Variants in MAST4 observed in about 807,000 individuals in gnomAD.
MAST4 encodes microtubule associated serine/threonine kinase family member 4.
A neutral mutation model predicts 162.7 loss-of-function variants in MAST4; 89 were observed. That is an observed-to-expected ratio of 0.55 (90% confidence interval 0.46 to 0.65). MAST4 has a LOEUF of 0.65. Among genes scored for constraint, MAST4 ranks in the 30% least tolerant of loss-of-function variants. The pLI is 0.00. For missense variants in MAST4, 3,153 were observed against 3,374.0 expected, an observed-to-expected ratio of 0.93 and a Z score of 1.62; for synonymous variants, 1,479 against 1,361.1, an observed-to-expected ratio of 1.09 and a Z score of -1.91.
At chr5:67,124,440 T>C (rs1767959540) in intron 14 of MAST4, among the ~76,000 whole-genome samples, 1 of 152,286 alleles carries the variant, frequency 6.6e-6, no homozygotes, top group African/African-American at 2.4e-5. Flanking sequence ...CTCTCTGTGC[T>C]AACTTTAAGC....
At position 67,166,449 on chromosome 5, in the gene MAST4, C is replaced by A. The variant is rs774462420; in HGVS notation, c.7270C>A (p.Pro2424Thr). Residue 2424 changes from proline to threonine, a missense_variant, in exon 29 of 29, where the codon CCC becomes ACC. Pro to Thr is a conservative substitution (Grantham distance 38, BLOSUM62 -1). Coordinates refer to ENST00000403625, the MANE Select transcript of MAST4 (RefSeq NM_001164664.2). ...FPEARGKGPG[P>T]QKPPTEADKP... ...TGAGGCCAGAGGGAAAGGGCCCGGT[C>A]CCCAGAAGCCACCGACGGAGGCAGA... The A allele has an allele frequency of 1.2e-6, 2 of 1,601,866 alleles. No individual in the cohort carries two copies. The highest frequency in any genetic ancestry group is 8.5e-7 in the Non-Finnish European group (1 of 1,173,818).
chr5:67,054,651 C>T (rs1254927814), intron 5 of MAST4, among the ~76,000 whole-genome samples, 159 bp downstream of exon 5: 1 of 152,192 alleles, frequency 6.6e-6, no homozygotes, highest in Non-Finnish European at 1.5e-5. Flanking sequence ...TAGCCCAGAT[C>T]TTATCCTCTC....
intron 3 of MAST4, among the ~76,000 whole-genome samples, chr5:66,856,561 A>G (rs76334347): frequency 0.015 from 2,274 of 152,354 alleles, 56 homozygotes; most frequent in African/African-American, 0.051. Flanking sequence ...TTGCCCTCAC[A>G]TGTGCCAGTC....
chr5:66,763,901 A>G (rs1753965649), intron 2 of MAST4, among the ~76,000 whole-genome samples: 1 of 152,204 alleles, frequency 6.6e-6, no homozygotes, highest in Non-Finnish European at 1.5e-5. Flanking sequence ...AGGAGGAGGA[A>G]AACAATTACT....
At chr5:66,907,055 C>T (rs866821936) in intron 4 of MAST4, among the ~76,000 whole-genome samples, 8 of 151,878 alleles carry the variant, frequency 5.3e-5, no homozygotes, top group African/African-American at 1.7e-4. Context: ...AACTAAAACT[C>T]GGCTTTTATC....
At chr5:66,775,500 C>G (rs1160752632) in intron 2 of MAST4, among the ~76,000 whole-genome samples, 1 of 152,130 alleles carries the variant, frequency 6.6e-6, no homozygotes, top group Admixed American at 6.5e-5. Flanking sequence ...CAGCCCTACA[C>G]CTACCATTAA....
intron 4 of MAST4, among the ~76,000 whole-genome samples, chr5:66,939,951 C>T (rs982097292): frequency 2.6e-5 from 4 of 152,066 alleles, no homozygotes; most frequent in African/African-American, 9.7e-5. Flanking sequence ...CCTGCAGTCC[C>T]AGCTACACAG....
At chr5:67,017,121 C>T (rs537595358) in intron 4 of MAST4, among the ~76,000 whole-genome samples, 1 of 152,154 alleles carries the variant, frequency 6.6e-6, no homozygotes, top group South Asian at 2.1e-4. Context: ...GAAAAAGTAA[C>T]TGCTTTGTAA....
Position 66,759,881 on chromosome 5 carries a change from G to A in MAST4, c.517+19G>A. 6.2e-7 allele frequency: 1 copy of A among 1,612,922 alleles called. No individual in the cohort carries two copies. Among genetic ancestry groups the A allele is most frequent in the Non-Finnish European group, 8.5e-7 (1 of 1,179,242 alleles). On this transcript the variant is annotated intron_variant, in intron 2 of 28. Transcript: ENST00000403625. ...CTGACTGGTGAGTCGCAGCGGCTTG[G>A]ATGAGAGAAGGAATTGCATTTCTTT... is the stretch of plus-strand genomic sequence containing the variant.
At chr5:66,956,438 T>C (rs2150145024) in intron 4 of MAST4, among the ~76,000 whole-genome samples, 1 of 152,246 alleles carries the variant, frequency 6.6e-6, no homozygotes, top group South Asian at 2.1e-4. Flanking sequence ...CTGGGGTTCT[T>C]TAGAGTCTAC....
chr5:67,105,966 C>T (rs1765550126), intron 10 of MAST4, among the ~76,000 whole-genome samples: 1 of 152,170 alleles, frequency 6.6e-6, no homozygotes, highest in African/African-American at 2.4e-5. Context: ...AACTCACTGA[C>T]ATCCTCCTTA....
intron 3 of MAST4, among the ~76,000 whole-genome samples, chr5:66,844,305 A>C (rs1758654153): frequency 6.6e-6 from 1 of 151,940 alleles, no homozygotes; most frequent in Non-Finnish European, 1.5e-5. Context: ...TTTGAAATGC[A>C]GGCACACATT....
chr5:67,032,859 A>G lies in MAST4; in HGVS notation c.675-21545A>G, dbSNP rs374072281. 3.4e-4 allele frequency among the ~76,000 whole-genome samples: 52 copies of G among 152,274 alleles called. 2 individuals are homozygous for G. In the South Asian group the frequency reaches 0.01, roughly 30 times the overall value. ...CTTATAGTAACTACAAATAACATCT[A>G]GTAGCTCAGACCTATTGCCATTTAT... On this transcript the variant is annotated intron_variant, in intron 4 of 28. Transcript: ENST00000403625.
At position 66,961,850 on chromosome 5, in the gene MAST4, A is replaced by G. The variant is rs1746057762; in HGVS notation, c.674+61868A>G. 2.0e-5 allele frequency among the ~76,000 whole-genome samples: 3 copies of G among 152,324 alleles called. No homozygotes were observed. In the South Asian group the frequency reaches 6.2e-4, roughly 32 times the overall value. ...TTCCAATGAGCTGCTAAGTTAGAGTACAGCATGTTTAAGAGCAGCAGCTTT... is the reference window on the plus strand; with the variant it reads ...TTCCAATGAGCTGCTAAGTTAGAGTGCAGCATGTTTAAGAGCAGCAGCTTT... On this transcript the variant is annotated intron_variant, in intron 4 of 28. Coordinates refer to ENST00000403625, the MANE Select transcript of MAST4 (RefSeq NM_001164664.2).
At chr5:66,718,606 G>GT (rs1421595504) in intron 1 of MAST4, among the ~76,000 whole-genome samples, 4 of 152,110 alleles carry the variant, frequency 2.6e-5, no homozygotes, top group East Asian at 1.9e-4. Context: ...TTACAGTGTT[G>GT]TTTTTTCTGT....
At chr5:66,715,270 A>T (rs1750745935) in intron 1 of MAST4, among the ~76,000 whole-genome samples, 1 of 152,210 alleles carries the variant, frequency 6.6e-6, no homozygotes, top group Non-Finnish European at 1.5e-5. Flanking sequence ...CTAATGTCTT[A>T]GAAATTAGTC....
At chr5:66,869,360 T>C (rs1218800416) in intron 3 of MAST4, among the ~76,000 whole-genome samples, 1 of 152,176 alleles carries the variant, frequency 6.6e-6, no homozygotes. Flanking sequence ...CTCAGGTTTT[T>C]GCTTGGTTTT....
chr5:67,108,462 T>C (rs1227204636), intron 10 of MAST4, among the ~76,000 whole-genome samples: 3 of 152,136 alleles, frequency 2.0e-5, no homozygotes, highest in African/African-American at 7.2e-5. Context: ...TCTATTTTTG[T>C]TGCAAAGCAA....
At chr5:66,971,796 G>A (rs1188502246) in intron 4 of MAST4, among the ~76,000 whole-genome samples, 1 of 151,996 alleles carries the variant, frequency 6.6e-6, no homozygotes, top group Non-Finnish European at 1.5e-5. Flanking sequence ...GTTCCATTTT[G>A]TTAAGGCATT....
Sources: gnomAD v4.1 joint callset for allele counts (sites outside exome capture counted in the v4.1 genomes callset) on GRCh38, gnomAD v4.1.1 for gene constraint, MANE v1.5 for transcripts, NCBI Gene and HGNC (gene_info 2026-07-23, HGNC 2026-07-21) for gene names.